The following KCNQ1OT1 variants were observed in gnomAD, a reference collection of about 807,000 sequenced individuals.
The protein encoded by KCNQ1OT1 is KCNQ1 opposite strand/antisense transcript 1, also known as KCNQ1 antisense RNA 2 (non-protein coding).
exon 1 of KCNQ1OT1, chr11:2,622,515 T>C (rs1353163487): frequency 5.0e-6 from 2 of 398,432 alleles, no homozygotes; most frequent in Non-Finnish European, 4.4e-6. Flanking sequence ...ACCTCTGCTT[T>C]TTGGAGAATT....
chr11:2,638,577 A>G (rs1849518024), exon 1 of KCNQ1OT1: 1 of 151,972 alleles, frequency 6.6e-6, no homozygotes, highest in African/African-American at 2.4e-5. Flanking sequence ...TTTGTGGGTA[A>G]CCCAACCTTT....
At position 2,680,209 on chromosome 11, in the gene KCNQ1OT1, A is replaced by T. The variant is rs1008926239; in HGVS notation, n.19786T>A. The T allele has an allele frequency of 3.5e-4, 44 of 124,662 alleles. 1 individual carries two copies. In the East Asian group the frequency reaches 0.057, roughly 160 times the overall value. 7.7% of individuals were successfully genotyped at this position (124,662 alleles called of 1,614,324 possible). A position where few individuals can be genotyped will look rare whatever the true frequency, so the allele number is the denominator to read the frequency against. On this transcript the variant is annotated non_coding_transcript_exon_variant, in exon 1 of 1. Transcript: ENST00000597346. ...ACCTGGCCTCAGCTTGCCTAATTAA[A>T]AAAAAAAAAAAAAAAAAAGTTGTCT...
chr11:2,643,099 G>A (rs1849605229), exon 1 of KCNQ1OT1: 1 of 398,092 alleles, frequency 2.5e-6, no homozygotes, highest in East Asian at 3.6e-5. Context: ...ATCCTGGAGA[G>A]TGTTCCATGT....
In KCNQ1OT1 at chr11:2,664,440, C is replaced by A. The variant is rs1000892485; in HGVS notation, n.35555G>T. The A allele has an allele frequency of 2.0e-5, 8 of 398,668 alleles. No homozygotes were observed. In the South Asian group the frequency reaches 7.6e-4, roughly 38 times the overall value. The allele number at this position is 398,668 out of a possible 1,614,324, so 24.7% of individuals were successfully genotyped here. On this transcript the variant is annotated non_coding_transcript_exon_variant, in exon 1 of 1. Transcript: ENST00000597346. The surrounding 1 kb of genome is among the most constrained non-coding windows in gnomAD (Gnocchi z 5.1). ...CAGTGTCAGGGCCTAGGAACCCAGGCTCCTCTGGGATACAGGCTGGGTAGA... is the reference window on the plus strand; with the variant it reads ...CAGTGTCAGGGCCTAGGAACCCAGGATCCTCTGGGATACAGGCTGGGTAGA...
At position 2,677,496 on chromosome 11, in the gene KCNQ1OT1, G is replaced by A. The variant is rs1040456799; in HGVS notation, n.22499C>T. 5.0e-6 allele frequency: 2 copies of A among 398,406 alleles called. No homozygotes were observed. Among genetic ancestry groups the A allele is most frequent in the African/African-American group, 4.1e-5 (2 of 48,614 alleles). The allele number at this position is 398,406 out of a possible 1,614,324, so 24.7% of individuals were successfully genotyped here. On this transcript the variant is annotated non_coding_transcript_exon_variant, in exon 1 of 1. Transcript: ENST00000597346. The surrounding 1 kb of genome is among the most constrained non-coding windows in gnomAD (Gnocchi z 4.5). Reference sequence around the variant, plus strand: ...ACCATGCCATACTTCTACAAAAAATGATCCTCTCTGTGGAAGTGCTGCCAA... The same window carrying A: ...ACCATGCCATACTTCTACAAAAAATAATCCTCTCTGTGGAAGTGCTGCCAA...
At position 2,627,459 on chromosome 11, in the gene KCNQ1OT1, C is replaced by T. The variant is rs1217933638; in HGVS notation, n.72536G>A. 5 of 398,406 alleles carry T rather than the reference C, an allele frequency of 1.3e-5. No individual in the cohort carries two copies. The highest frequency in any genetic ancestry group is 1.0e-4 in the African/African-American group (5 of 48,602). The allele number at this position is 398,406 out of a possible 1,614,324, so 24.7% of individuals were successfully genotyped here. A position where few individuals can be genotyped will look rare whatever the true frequency, so the allele number is the denominator to read the frequency against. On this transcript the variant is annotated non_coding_transcript_exon_variant, in exon 1 of 1. Transcript: ENST00000597346. This position sits in a 1 kb window ranked among gnomAD's most constrained non-coding sequence, Gnocchi z 4.9. ...TACCCTTCAACATTTCCTATTTCCC[C>T]TACTCCCTGACCCCTAGTAACCACC... is the stretch of plus-strand genomic sequence containing the variant.
At chr11:2,688,131 G>A (rs1850523255) in exon 1 of KCNQ1OT1, 2 of 398,714 alleles carry the variant, frequency 5.0e-6, no homozygotes, top group South Asian at 2.5e-4. Flanking sequence ...GATACAGGCT[G>A]AGGTGGAGAG....
Position 2,657,004 on chromosome 11 carries a change from G to A in KCNQ1OT1, n.42991C>T. On this transcript the variant is annotated non_coding_transcript_exon_variant, in exon 1 of 1. Transcript: ENST00000597346. This position sits in a 1 kb window ranked among gnomAD's most constrained non-coding sequence, Gnocchi z 4.8. The stretch of plus-strand genomic sequence containing the variant: ...TCCATGCTCTTCCCAGGATGTGCAG[G>A]CCACCTCTGATACACAGCAAGCTTC... 2.5e-6 allele frequency: 1 copy of A among 398,582 alleles called. No individual in the cohort carries two copies. Among genetic ancestry groups the A allele is most frequent in the Non-Finnish European group, 4.4e-6 (1 of 226,042 alleles). 24.7% of individuals were successfully genotyped at this position (398,582 alleles called of 1,614,324 possible).
rs1590025203 is a variant in KCNQ1OT1 at position 2,676,141 on chromosome 11, A to G, written n.23854T>C. The G allele has an allele frequency of 2.5e-6, 1 of 398,654 alleles. No individual in the cohort carries two copies. Among genetic ancestry groups the G allele is most frequent in the Non-Finnish European group, 4.4e-6 (1 of 226,074 alleles). The allele number at this position is 398,654 out of a possible 1,614,324, so 24.7% of individuals were successfully genotyped here. Reference sequence around the variant, plus strand: ...GGCTCCTTTTTATACAAATGGTAGCATACTGTATGTATTTTTCTACACTTT... The same window carrying G: ...GGCTCCTTTTTATACAAATGGTAGCGTACTGTATGTATTTTTCTACACTTT... On this transcript the variant is annotated non_coding_transcript_exon_variant, in exon 1 of 1. Coordinates refer to ENST00000597346, the Ensembl canonical transcript of KCNQ1OT1. This position sits in a 1 kb window ranked among gnomAD's most constrained non-coding sequence, Gnocchi z 4.2.
rs537185763 is a variant in KCNQ1OT1 at position 2,683,581 on chromosome 11, G to A, written n.16414C>T. 7.1e-4 allele frequency: 285 copies of A among 398,620 alleles called. 1 individual carries two copies. The highest frequency in any genetic ancestry group is 3.1e-3 in the Middle Eastern group (5 of 1,588). 24.7% of individuals were successfully genotyped at this position (398,620 alleles called of 1,614,324 possible). A position where few individuals can be genotyped will look rare whatever the true frequency, so the allele number is the denominator to read the frequency against. ...CCTACTGACTGGCATCACAAACACT[G>A]CCCTGAAATGCCAACTCATTTCAAA... On this transcript the variant is annotated non_coding_transcript_exon_variant, in exon 1 of 1. Transcript: ENST00000597346. This position sits in a 1 kb window ranked among gnomAD's most constrained non-coding sequence, Gnocchi z 4.7.
chr11:2,656,554 A>G, exon 1 of KCNQ1OT1: 2 of 398,622 alleles, frequency 5.0e-6, no homozygotes, highest in Non-Finnish European at 8.8e-6. Flanking sequence ...ACCTTTCCAC[A>G]TGCTCATCAG....
exon 1 of KCNQ1OT1, chr11:2,632,100 G>A (rs1168950605): frequency 1.5e-5 from 6 of 392,542 alleles, no homozygotes; most frequent in Admixed American, 4.5e-5. Flanking sequence ...GGAGAATGGC[G>A]TGAACTCGGG....
rs1452305100 is a variant in KCNQ1OT1, at chr11:2,682,132, C to A, written n.17863G>T. ...CGTGGATCTGCAGGAGATGTCCCAG[C>A]TCATCAAATATTCTTTCAGTATTAA... is the stretch of plus-strand genomic sequence containing the variant. On this transcript the variant is annotated non_coding_transcript_exon_variant, in exon 1 of 1. Transcript: ENST00000597346. This position sits in a 1 kb window ranked among gnomAD's most constrained non-coding sequence, Gnocchi z 5.8. The A allele has an allele frequency of 7.5e-6, 3 of 398,496 alleles. No individual in the cohort carries two copies. Among genetic ancestry groups the A allele is most frequent in the Non-Finnish European group, 1.3e-5 (3 of 226,108 alleles). 24.7% of individuals were successfully genotyped at this position (398,496 alleles called of 1,614,324 possible).
Position 2,617,721 on chromosome 11 carries a change from C to G in KCNQ1OT1, n.82274G>C. On this transcript the variant is annotated non_coding_transcript_exon_variant, in exon 1 of 1. Transcript: ENST00000597346. This position sits in a 1 kb window ranked among gnomAD's most constrained non-coding sequence, Gnocchi z 4.6. ...CCTAACCCTAGCCAACACTTAATAG[C>G]TATTCTCATGAGTGTGAGGTGATAT... 1 of 398,514 alleles carries G rather than the reference C, an allele frequency of 2.5e-6. No homozygotes were observed. Among genetic ancestry groups the G allele is most frequent in the Non-Finnish European group, 4.4e-6 (1 of 226,006 alleles). The allele number at this position is 398,514 out of a possible 1,614,324, so 24.7% of individuals were successfully genotyped here. A position where few individuals can be genotyped will look rare whatever the true frequency, so the allele number is the denominator to read the frequency against.
chr11:2,608,650 G>C lies in KCNQ1OT1; in HGVS notation n.91345C>G. On this transcript the variant is annotated non_coding_transcript_exon_variant, in exon 1 of 1. Transcript: ENST00000597346. This position sits in a 1 kb window ranked among gnomAD's most constrained non-coding sequence, Gnocchi z 4.6. ...TGTTATTCAAAAAATATTTTGTAGA[G>C]ATAGGGTCTTGCTTTGTTGTGCATG... The C allele has an allele frequency of 5.0e-6, 2 of 398,562 alleles. No homozygotes were observed. The highest frequency in any genetic ancestry group is 8.8e-6 in the Non-Finnish European group (2 of 226,070). 24.7% of individuals were successfully genotyped at this position (398,562 alleles called of 1,614,324 possible). A position where few individuals can be genotyped will look rare whatever the true frequency, so the allele number is the denominator to read the frequency against.
In KCNQ1OT1 at chr11:2,664,909, A is replaced by G. The variant is rs1430344977; in HGVS notation, n.35086T>C. The G allele has an allele frequency of 5.0e-6, 2 of 398,444 alleles. No individual in the cohort carries two copies. The highest frequency in any genetic ancestry group is 8.8e-5 in the Admixed American group (2 of 22,708). The allele number at this position is 398,444 out of a possible 1,614,324, so 24.7% of individuals were successfully genotyped here. A position where few individuals can be genotyped will look rare whatever the true frequency, so the allele number is the denominator to read the frequency against. On this transcript the variant is annotated non_coding_transcript_exon_variant, in exon 1 of 1. Coordinates refer to ENST00000597346, the Ensembl canonical transcript of KCNQ1OT1. The surrounding 1 kb of genome is among the most constrained non-coding windows in gnomAD (Gnocchi z 5.1). ...AAAGACACATTTTGTTTCCATCTCG[A>G]GCTCTCCCCGCCCGCAGGGCCCCAG...
rs1850147749 is a variant in KCNQ1OT1, at chr11:2,669,753, AAT to A, written n.30240_30241del. The A allele has an allele frequency of 2.5e-6, 1 of 398,522 alleles. No homozygotes were observed. Among genetic ancestry groups the A allele is most frequent in the South Asian group, 1.3e-4 (1 of 7,868 alleles). 24.7% of individuals were successfully genotyped at this position (398,522 alleles called of 1,614,324 possible). A position where few individuals can be genotyped will look rare whatever the true frequency, so the allele number is the denominator to read the frequency against. On this transcript the variant is annotated non_coding_transcript_exon_variant, in exon 1 of 1. Coordinates refer to ENST00000597346, the Ensembl canonical transcript of KCNQ1OT1. This position sits in a 1 kb window ranked among gnomAD's most constrained non-coding sequence, Gnocchi z 5.6. ...TGCCTGAAAATATTAGCCAGCATAG[AAT>A]GTCTCTTTGTGATGGGAGATCCTGT...
Position 2,669,543 on chromosome 11 carries a change from G to T in KCNQ1OT1, n.30452C>A. The T allele has an allele frequency of 2.5e-6, 1 of 398,636 alleles. No individual in the cohort carries two copies. Among genetic ancestry groups the T allele is most frequent in the Non-Finnish European group, 4.4e-6 (1 of 226,086 alleles). 24.7% of individuals were successfully genotyped at this position (398,636 alleles called of 1,614,324 possible). ...GTATGTTCGCTGAATCCAGGGACAA[G>T]GTCTGTCAGGGAGCCCTGGCCAGCT... On this transcript the variant is annotated non_coding_transcript_exon_variant, in exon 1 of 1. Transcript: ENST00000597346. This position sits in a 1 kb window ranked among gnomAD's most constrained non-coding sequence, Gnocchi z 5.6.
At chr11:2,697,383 CT>C (rs1197627424) in exon 1 of KCNQ1OT1, 2 of 398,484 alleles carry the variant, frequency 5.0e-6, no homozygotes, top group African/African-American at 4.1e-5. Flanking sequence ...ATCCCCATTT[CT>C]TTTTCTTGTA....
Sources: allele counts gnomAD v4.1 joint callset, GRCh38; gene constraint gnomAD v4.1.1; non-coding constraint Gnocchi (gnomAD v3.1); transcripts MANE v1.5; gene names NCBI Gene and HGNC (gene_info 2026-07-23, HGNC 2026-07-21).